CYP7B1: variants seen among roughly 807,000 people sequenced by gnomAD.
CYP7B1 encodes the protein cytochrome P450 family 7 subfamily B member 1.
A neutral mutation model predicts 42.7 loss-of-function variants in CYP7B1; 29 were observed. That is an observed-to-expected ratio of 0.68 (90% CI 0.51 to 0.93). The LOEUF is 0.93. Ranked by LOEUF, CYP7B1 falls within the 40% of genes least tolerant of loss-of-function variation. The pLI is 0.00. For synonymous variants in CYP7B1, 235 were observed against 218.2 expected (o/e 1.08, Z -0.68); for missense variants, 655 against 600.5 (o/e 1.09, Z -0.95).
At chr8:64,710,420 G>T (rs1469010788) in intron 1 of CYP7B1, among the ~76,000 whole-genome samples, 1 of 152,124 alleles carries the variant, frequency 6.6e-6, no homozygotes, top group Admixed American at 6.6e-5. Flanking sequence ...ACTTTGCAAG[G>T]CCAAAGGATA....
chr8:64,694,981 T>G (rs963683921), intron 1 of CYP7B1, among the ~76,000 whole-genome samples: 2 of 152,196 alleles, frequency 1.3e-5, no homozygotes, highest in Admixed American at 1.3e-4. Flanking sequence ...AGAAATGAAC[T>G]GAATCTGACG....
chr8:64,590,458 A>G (rs1034212242), downstream of CYP7B1, among the ~76,000 whole-genome samples: 8 of 152,236 alleles, frequency 5.3e-5, no homozygotes, highest in African/African-American at 1.9e-4. Flanking sequence ...TGTAGTAAAG[A>G]GATCTGCTGA....
At chr8:64,634,878 G>C (rs1460983011) in intron 1 of CYP7B1, among the ~76,000 whole-genome samples, 1 of 152,134 alleles carries the variant, frequency 6.6e-6, no homozygotes, top group Non-Finnish European at 1.5e-5. Flanking sequence ...TGCAACCTAA[G>C]GATACCCCAT....
intron 1 of CYP7B1, among the ~76,000 whole-genome samples, chr8:64,720,315 A>G (rs1807217941): frequency 6.6e-6 from 1 of 152,204 alleles, no homozygotes; most frequent in Non-Finnish European, 1.5e-5. Flanking sequence ...CTTCACCTTG[A>G]ACTTATGAGG....
At chr8:64,768,618 C>G (rs1017521334) in intron 1 of CYP7B1, among the ~76,000 whole-genome samples, 3 of 152,140 alleles carry the variant, frequency 2.0e-5, no homozygotes, top group African/African-American at 7.2e-5. Context: ...CTCTACTAAG[C>G]ACTTAACATC....
At chr8:64,615,326 C>G (rs1805421664) in intron 3 of CYP7B1, 94 bp from the exon 4 acceptor site, 2 of 1,292,648 alleles carry the variant, frequency 1.5e-6, no homozygotes, top group Non-Finnish European at 2.2e-6. Context: ...GACACAGACC[C>G]AGCCAAGGAT....
chr8:64,636,105 C>A (rs1438746089), intron 1 of CYP7B1, among the ~76,000 whole-genome samples: 4 of 152,174 alleles, frequency 2.6e-5, no homozygotes, highest in African/African-American at 9.7e-5. Flanking sequence ...CGATGAATGA[C>A]CACACCACTC....
rs139080316 is a variant in CYP7B1, at chr8:64,774,577, GC to G, written c.122+23888del. On this transcript the variant is annotated intron_variant, in intron 1 of 5. Coordinates refer to ENST00000310193, the MANE Select transcript of CYP7B1 (RefSeq NM_004820.5). ...CACTGACAAATCTTGAATTTGTTAA[GC>G]AACCTTGAATTAATAGAACACATAA... is the stretch of plus-strand genomic sequence containing the variant. Among the ~76,000 whole-genome samples, 943 of 152,238 alleles carry G rather than the reference GC, an allele frequency of 6.2e-3. 8 individuals are homozygous for G. The highest frequency in any genetic ancestry group is 0.022 in the African/African-American group (906 of 41,538).
intron 1 of CYP7B1, among the ~76,000 whole-genome samples, chr8:64,767,949 G>A (rs778870282): frequency 2.0e-5 from 3 of 152,058 alleles, no homozygotes; most frequent in Admixed American, 6.6e-5. Context: ...CCCCTACTAC[G>A]CCCCAGTTCA....
chr8:64,667,743 T>C (rs1044810150), intron 1 of CYP7B1, among the ~76,000 whole-genome samples: 3 of 152,192 alleles, frequency 2.0e-5, no homozygotes. Flanking sequence ...GGAAAAACCA[T>C]TGTCTTCCTT....
chr8:64,683,541 T>C (rs374948764), intron 1 of CYP7B1, among the ~76,000 whole-genome samples: 1 of 152,212 alleles, frequency 6.6e-6, no homozygotes, highest in Non-Finnish European at 1.5e-5. Context: ...AGGGATACTA[T>C]AGTTAGTAAT....
At position 64,723,764 on chromosome 8, in the gene CYP7B1, C is replaced by T. The variant is rs138025691; in HGVS notation, c.122+74702G>A. 1.7e-3 allele frequency among the ~76,000 whole-genome samples: 265 copies of T among 151,444 alleles called. 1 individual carries two copies. The highest frequency in any genetic ancestry group is 5.9e-3 in the African/African-American group (245 of 41,244). On this transcript the variant is annotated intron_variant, in intron 1 of 5. Transcript: ENST00000310193. ...GCACCAGTGTAAAATCATATATAAT[C>T]AAAGATATTTGCTGTAGAATTGTTT...
At position 64,729,522 on chromosome 8, in the gene CYP7B1, T is replaced by C. The variant is rs183322079; in HGVS notation, c.122+68944A>G. Among the ~76,000 whole-genome samples, 427 of 152,336 alleles carry C rather than the reference T, an allele frequency of 2.8e-3. 1 individual carries two copies. Among genetic ancestry groups the C allele is most frequent in the Non-Finnish European group, 5.0e-3 (341 of 68,032 alleles). On this transcript the variant is annotated intron_variant, in intron 1 of 5. Transcript: ENST00000310193. ...ACCTTTAAAATTGTTTGTCGAGGCG[T>C]TAAAAACTCTTATGTTAGTTATAAA...
chr8:64,724,705 CT>C (rs1316177533), intron 1 of CYP7B1, among the ~76,000 whole-genome samples: 5 of 152,052 alleles, frequency 3.3e-5, no homozygotes, highest in Admixed American at 3.3e-4. Flanking sequence ...AAGTATGATG[CT>C]TTGGTGTGCT....
chr8:64,726,360 A>C (rs539747832), intron 1 of CYP7B1, among the ~76,000 whole-genome samples: 1 of 152,342 alleles, frequency 6.6e-6, no homozygotes, highest in East Asian at 1.9e-4. Flanking sequence ...TTTAAATTCA[A>C]TTTAATAGAA....
intron 2 of CYP7B1, among the ~76,000 whole-genome samples, chr8:64,623,430 C>T (rs1396714316): frequency 6.6e-6 from 1 of 152,188 alleles, no homozygotes; most frequent in Non-Finnish European, 1.5e-5. Flanking sequence ...GAGACCATCT[C>T]GGATCATCCA....
intron 1 of CYP7B1, among the ~76,000 whole-genome samples, chr8:64,771,436 C>T (rs1021970163): frequency 3.3e-5 from 5 of 152,104 alleles, no homozygotes; most frequent in Non-Finnish European, 4.4e-5. Context: ...GGAGTCTACA[C>T]GTTTTGTCAG....
chr8:64,788,084 T>C (rs1804558594), intron 1 of CYP7B1, among the ~76,000 whole-genome samples: 1 of 152,188 alleles, frequency 6.6e-6, no homozygotes. Flanking sequence ...CAAGATGAGA[T>C]TTGGGTTGGG....
chr8:64,715,250 G>T (rs1807137175), intron 1 of CYP7B1, among the ~76,000 whole-genome samples: 1 of 152,158 alleles, frequency 6.6e-6, no homozygotes, highest in Non-Finnish European at 1.5e-5. Flanking sequence ...TAAAATATCT[G>T]ACACCACTGA....
Sources: gnomAD v4.1 joint callset for allele counts (sites outside exome capture counted in the v4.1 genomes callset) on GRCh38, gnomAD v4.1.1 for gene constraint, MANE v1.5 for transcripts, NCBI Gene and HGNC (gene_info 2026-07-23, HGNC 2026-07-21) for gene names.